The following DOK6 variants were observed in gnomAD, a reference collection of about 807,000 sequenced individuals.
DOK6 encodes the protein downstream of tyrosine kinase 6.
DOK6 carries 22 observed loss-of-function variants against 44.0 expected under a neutral mutation model. That is an observed-to-expected ratio of 0.50 (90% CI 0.36 to 0.71). The LOEUF is 0.71. Ranked by LOEUF, DOK6 falls within the 30% of genes least tolerant of loss-of-function variation. The pLI, the probability that DOK6 is intolerant of heterozygous loss-of-function variation, is 0.00. For synonymous variants in DOK6, 166 were observed against 145.5 expected (o/e 1.14, Z -1.01); for missense variants, 340 against 416.4 (o/e 0.82, Z 1.60).
At chr18:69,813,874 G>A (rs186343402) in intron 7 of DOK6, among the ~76,000 whole-genome samples, 1 of 152,284 alleles carries the variant, frequency 6.6e-6, no homozygotes, top group East Asian at 1.9e-4. Context: ...CGAGTGCTAA[G>A]TAGGAACAAG....
chr18:69,772,666 T>G (rs1001903805), intron 7 of DOK6, among the ~76,000 whole-genome samples: 1 of 151,746 alleles, frequency 6.6e-6, no homozygotes, highest in Non-Finnish European at 1.5e-5. Flanking sequence ...AAGAATGAAA[T>G]TGGACCCCTA....
chr18:69,772,308 T>A (rs1015903298), intron 7 of DOK6, among the ~76,000 whole-genome samples: 1 of 151,800 alleles, frequency 6.6e-6, no homozygotes, highest in Non-Finnish European at 1.5e-5. Flanking sequence ...ATCCATAGAG[T>A]CAATGCAATC....
intron 3 of DOK6, among the ~76,000 whole-genome samples, chr18:69,655,869 A>G (rs1005745776): frequency 1.3e-5 from 2 of 151,938 alleles, no homozygotes; most frequent in African/African-American, 4.8e-5. Context: ...TAAAAATAAG[A>G]TATGAAAGAG....
chr18:69,609,540 T>G lies in DOK6; in HGVS notation c.289+10042T>G, dbSNP rs1984088123. Among the ~76,000 whole-genome samples the G allele has an allele frequency of 2.7e-5, 4 of 145,456 alleles. No homozygotes were observed. In the South Asian group the frequency reaches 8.8e-4, roughly 32 times the overall value. The stretch of plus-strand genomic sequence containing the variant: ...AAATGACAACAAGTGTCGGCAAAGA[T>G]GTGGAGAAATTGGAACCCTAGTGTA... On this transcript the variant is annotated intron_variant, in intron 3 of 7. Coordinates refer to ENST00000382713, the MANE Select transcript of DOK6 (RefSeq NM_152721.6).
rs183955952 is a variant in DOK6 at position 69,848,483 on chromosome 18, G to A, written c.*7100G>A. ...TGTACTTAAAAACTAGCTGAACTAC[G>A]TTTTGGGATGAGATGCAAAGCAACA... On this transcript the variant is annotated 3_prime_UTR_variant, in exon 8 of 8. Transcript: ENST00000382713. 9 of 152,244 alleles carry A rather than the reference G, an allele frequency of 5.9e-5. No individual in the cohort carries two copies. Among genetic ancestry groups the A allele is most frequent in the South Asian group, 2.1e-4 (1 of 4,826 alleles). The allele number at this position is 152,244 out of a possible 1,614,324, so 9.4% of individuals were successfully genotyped here.
intron 2 of DOK6, among the ~76,000 whole-genome samples, chr18:69,567,873 AC>A (rs1209440031): frequency 6.6e-6 from 1 of 152,160 alleles, no homozygotes; most frequent in African/African-American, 2.4e-5. Flanking sequence ...CAGCTTACTT[AC>A]ATTGTCCACC....
At chr18:69,745,689 C>T (rs1198916609) in intron 6 of DOK6, among the ~76,000 whole-genome samples, 1 of 152,142 alleles carries the variant, frequency 6.6e-6, no homozygotes, top group Non-Finnish European at 1.5e-5. Flanking sequence ...GGGCAAGTTA[C>T]GTTCTCTGTG....
intron 1 of DOK6, among the ~76,000 whole-genome samples, chr18:69,425,021 G>A (rs1480453637): frequency 1.3e-5 from 2 of 152,102 alleles, no homozygotes; most frequent in African/African-American, 4.8e-5. Flanking sequence ...GGTCAAATTA[G>A]TTAGGTCAGA....
intron 5 of DOK6, among the ~76,000 whole-genome samples, chr18:69,727,346 T>C (rs959432733): frequency 2.0e-5 from 3 of 152,026 alleles, no homozygotes; most frequent in South Asian, 4.1e-4. Context: ...ATCTAAGTCA[T>C]TGGAGCCTGT....
intron 1 of DOK6, among the ~76,000 whole-genome samples, chr18:69,521,508 G>T (rs1228556826): frequency 6.6e-6 from 1 of 150,746 alleles, no homozygotes; most frequent in Non-Finnish European, 1.5e-5. Flanking sequence ...TGAAAGGATA[G>T]TTCAGTTTTA....
At chr18:69,703,582 A>G (rs957557076) in intron 5 of DOK6, among the ~76,000 whole-genome samples, 13 of 152,344 alleles carry the variant, frequency 8.5e-5, no homozygotes, top group Middle Eastern at 3.4e-3. Flanking sequence ...TCAATACAAC[A>G]AAGATTTATT....
intron 3 of DOK6, among the ~76,000 whole-genome samples, chr18:69,617,721 AAG>A (rs931904407): frequency 1.3e-4 from 13 of 97,640 alleles, no homozygotes; most frequent in African/African-American, 3.0e-4. Context: ...GAAAGAAAGA[AAG>A]AAAAAAGGGG....
chr18:69,626,633 C>T (rs1217753015), intron 3 of DOK6, among the ~76,000 whole-genome samples: 2 of 152,088 alleles, frequency 1.3e-5, no homozygotes, highest in African/African-American at 4.8e-5. Context: ...AAAATCGAGG[C>T]AGGAAAAACT....
At chr18:69,774,133 G>GATAGATATATAT (rs1555670145) in intron 7 of DOK6, among the ~76,000 whole-genome samples, 4 of 66,896 alleles carry the variant, frequency 6.0e-5, no homozygotes, top group East Asian at 6.9e-4. Flanking sequence ...ATATATATGA[G>GATAGATATATAT]ATATATATAT....
chr18:69,677,104 G>T (rs1409525160), intron 3 of DOK6, among the ~76,000 whole-genome samples: 1 of 152,002 alleles, frequency 6.6e-6, no homozygotes, highest in Admixed American at 6.6e-5. Flanking sequence ...AAAGAAAAAT[G>T]ATCACATTCT....
intron 7 of DOK6, among the ~76,000 whole-genome samples, chr18:69,803,678 T>C (rs948423739): frequency 1.3e-5 from 2 of 152,108 alleles, no homozygotes; most frequent in Non-Finnish European, 2.9e-5. Flanking sequence ...CTGGCCAATA[T>C]GGTGAAACCC....
At chr18:69,770,116 G>C (rs1184052518) in intron 7 of DOK6, among the ~76,000 whole-genome samples, 5 of 152,012 alleles carry the variant, frequency 3.3e-5, no homozygotes, top group Admixed American at 2.6e-4. Flanking sequence ...TTTATAAATG[G>C]AGAGAGGTGG....
intron 7 of DOK6, among the ~76,000 whole-genome samples, chr18:69,817,083 C>A (rs1282983988): frequency 6.6e-6 from 1 of 152,114 alleles, no homozygotes; most frequent in Non-Finnish European, 1.5e-5. Context: ...GAGGTGTTAT[C>A]TTTTGACTAT....
At chr18:69,686,839 TCAGTGGTTTCAAATTACA>T in intron 4 of DOK6, among the ~76,000 whole-genome samples, 1 of 152,138 alleles carries the variant, frequency 6.6e-6, no homozygotes, top group Non-Finnish European at 1.5e-5. Context: ...TTCATATCAT[TCAGTGGTTTCAAATTACA>T]CAGTCATACT....
Sources: allele counts gnomAD v4.1 joint callset (sites outside exome capture counted in the v4.1 genomes callset), GRCh38; gene constraint gnomAD v4.1.1; transcripts MANE v1.5; gene names NCBI Gene and HGNC (gene_info 2026-07-23, HGNC 2026-07-21).